The following SLC2A9 variants were observed in gnomAD, a reference collection of about 807,000 sequenced individuals.
SLC2A9 encodes the protein solute carrier family 2, facilitated glucose transporter member 9.
Under a neutral mutation model 50.6 loss-of-function variants are expected in SLC2A9, and 39 were observed. The ratio of observed to expected loss-of-function variants is 0.77; its 90% CI spans 0.60 to 1.01. SLC2A9 has a LOEUF of 1.01. SLC2A9 is among the 50% of genes least tolerant of loss of function. The pLI is 0.00. For synonymous variants in SLC2A9, 324 were observed against 276.9 expected (o/e 1.17, Z -1.69); for missense variants, 686 against 677.6 (o/e 1.01, Z -0.14).
chr4:9,817,530 T>C (rs976567878), intron 3 of SLC2A9, among the ~76,000 whole-genome samples: 3 of 152,228 alleles, frequency 2.0e-5, no homozygotes, highest in Non-Finnish European at 2.9e-5. Context: ...GAATGTTTCA[T>C]ATGCTTAACA....
At chr4:10,033,532 A>T (rs928996831) in intron 1 of SLC2A9, among the ~76,000 whole-genome samples, 2 of 152,182 alleles carry the variant, frequency 1.3e-5, no homozygotes, top group African/African-American at 2.4e-5. Flanking sequence ...CTGGACTAAG[A>T]TATCCCAGCC....
chr4:9,966,241 C>T (rs1008656865), intron 5 of SLC2A9, among the ~76,000 whole-genome samples: 53 of 152,176 alleles, frequency 3.5e-4, no homozygotes, highest in African/African-American at 1.3e-3. Flanking sequence ...AAAATTTACA[C>T]TCTTTAACCT....
At chr4:9,854,654 A>G (rs1404022998) in intron 10 of SLC2A9, among the ~76,000 whole-genome samples, 1 of 152,192 alleles carries the variant, frequency 6.6e-6, no homozygotes, top group Non-Finnish European at 1.5e-5. Context: ...AGACACATAC[A>G]TACACAAAAT....
rs751207017 is a variant in SLC2A9, at chr4:9,844,158, A to G, written c.1292-9150T>C. On this transcript the variant is annotated intron_variant, in intron 10 of 11. Transcript: ENST00000264784. ...GAAGAGCCAGATTTAGTAAAAAAAA[A>G]ATAATAATAAAAAAAAAAAAAAGTC... 3.1e-3 allele frequency among the ~76,000 whole-genome samples: 167 copies of G among 54,388 alleles called. 9 individuals are homozygous for G. Among genetic ancestry groups the G allele is most frequent in the Non-Finnish European group, 4.1e-3 (120 of 29,278 alleles). 35.7% of individuals were successfully genotyped at this position (54,388 alleles called of 152,430 possible). A position where few individuals can be genotyped will look rare whatever the true frequency, so the allele number is the denominator to read the frequency against.
chr4:10,011,337 C>A (rs554813686), intron 2 of SLC2A9, among the ~76,000 whole-genome samples: 3 of 152,294 alleles, frequency 2.0e-5, no homozygotes, highest in African/African-American at 4.8e-5. Context: ...CAGAACCCCC[C>A]ACTCCAGTCT....
intron 3 of SLC2A9, among the ~76,000 whole-genome samples, chr4:9,820,787 CTTCTA>C (rs1206575021): frequency 1.3e-5 from 2 of 152,148 alleles, no homozygotes; most frequent in Admixed American, 6.5e-5. Context: ...GTGTGTTGAA[CTTCTA>C]TTCTGTAACC....
At chr4:9,784,340 T>A (rs1425481044) in intron 3 of SLC2A9, among the ~76,000 whole-genome samples, 3 of 152,222 alleles carry the variant, frequency 2.0e-5, no homozygotes. Context: ...TCCTTATTCC[T>A]AGACAGATGC....
intron 4 of SLC2A9, among the ~76,000 whole-genome samples, chr4:9,985,423 C>T (rs966961679): frequency 4.4e-4 from 67 of 152,166 alleles, no homozygotes; most frequent in African/African-American, 1.5e-3. Flanking sequence ...TGAAGACCAT[C>T]CAGGTCTTTG....
chr4:9,836,701 C>T (rs1727166923), intron 10 of SLC2A9, among the ~76,000 whole-genome samples: 1 of 152,192 alleles, frequency 6.6e-6, no homozygotes, highest in Non-Finnish European at 1.5e-5. Flanking sequence ...TGCTATGCAG[C>T]AGTTGAGGTG....
chr4:9,904,631 G>A (rs1209830982), intron 8 of SLC2A9, among the ~76,000 whole-genome samples: 2 of 152,308 alleles, frequency 1.3e-5, no homozygotes, highest in Admixed American at 6.5e-5. Flanking sequence ...TACCACAGGT[G>A]GGAATGGTTA....
chr4:9,868,686 A>T lies in SLC2A9; in HGVS notation c.1291+18881T>A, dbSNP rs936562263. On this transcript the variant is annotated intron_variant, in intron 10 of 11. Coordinates refer to ENST00000264784, the MANE Select transcript of SLC2A9 (RefSeq NM_020041.3). Reference sequence around the variant, plus strand: ...CTTGAAGCTCTCCCTCTGTCACCCCAGGAACCCCCATACCTGTGGGATTAA... The same window carrying T: ...CTTGAAGCTCTCCCTCTGTCACCCCTGGAACCCCCATACCTGTGGGATTAA... Among the ~76,000 whole-genome samples the T allele has an allele frequency of 5.9e-5, 9 of 152,198 alleles. No individual in the cohort carries two copies. In the South Asian group the frequency reaches 1.5e-3, roughly 25 times the overall value.
intron 10 of SLC2A9, chr4:9,880,008 C>G: frequency 1.0e-6 from 1 of 985,434 alleles, no homozygotes; most frequent in Non-Finnish European, 1.2e-6. Context: ...CCTCCTGGCC[C>G]TCTCCTGGGA....
At chr4:9,783,135 T>G in intron 3 of SLC2A9, 1 of 1,614,246 alleles carries the variant, frequency 6.2e-7, no homozygotes. Context: ...CAGAAGGTGT[T>G]TGCCCAGCTG....
intron 10 of SLC2A9, among the ~76,000 whole-genome samples, chr4:9,873,459 G>T (rs1487245685): frequency 6.6e-6 from 1 of 152,224 alleles, no homozygotes; most frequent in South Asian, 2.1e-4. Flanking sequence ...GGCGGGCTTT[G>T]TGACTTGCTT....
intron 2 of SLC2A9, chr4:10,009,631 G>C (rs1312364542): frequency 2.6e-5 from 4 of 152,124 alleles, no homozygotes; most frequent in Non-Finnish European, 5.9e-5. Flanking sequence ...ACAAAACATG[G>C]CTAACTCAAA....
intron 10 of SLC2A9, among the ~76,000 whole-genome samples, chr4:9,884,174 G>T (rs79043019): frequency 6.6e-6 from 1 of 152,202 alleles, no homozygotes; most frequent in Admixed American, 6.5e-5. Flanking sequence ...GGCAGCTAGC[G>T]TTACACTGAC....
intron 2 of SLC2A9, among the ~76,000 whole-genome samples, chr4:10,016,355 C>T (rs12500805): frequency 0.52 from 79,313 of 152,008 alleles, 21,876 homozygotes; most frequent in East Asian, 0.81. Flanking sequence ...GCCTCAGTTT[C>T]GTCATCTGTA....
At chr4:9,786,137 A>C (rs937483551) in intron 3 of SLC2A9, among the ~76,000 whole-genome samples, 5 of 152,194 alleles carry the variant, frequency 3.3e-5, no homozygotes, top group Admixed American at 3.3e-4. Context: ...TAATTGCTGT[A>C]GCAGCAATTG....
At chr4:9,996,745 G>A in intron 3 of SLC2A9, 36 bp downstream of exon 3, 1 of 1,610,098 alleles carries the variant, frequency 6.2e-7, no homozygotes, top group South Asian at 1.1e-5. Context: ...TATGAACATG[G>A]AGGGCACCCC....
Sources: allele counts gnomAD v4.1 joint callset (sites outside exome capture counted in the v4.1 genomes callset), GRCh38; gene constraint gnomAD v4.1.1; transcripts MANE v1.5; gene names NCBI Gene and HGNC (gene_info 2026-07-23, HGNC 2026-07-21).